WASF1: variants seen among roughly 807,000 people sequenced by gnomAD.
WASF1 encodes actin-binding protein WASF1.
WASF1 carries 7 observed loss-of-function variants against 50.5 expected under a neutral mutation model. The observed-to-expected ratio is 0.14, with a 90% confidence interval of 0.08 to 0.26. The LOEUF is 0.26. Among genes scored for constraint, WASF1 ranks in the 10% least tolerant of loss-of-function variants. The pLI, the probability that WASF1 is intolerant of heterozygous loss-of-function variation, is 1.00. For synonymous variants in WASF1, 205 were observed against 244.0 expected (o/e 0.84, Z 1.49); for missense variants, 470 against 694.7 (o/e 0.68, Z 3.64).
intron 4 of WASF1, among the ~76,000 whole-genome samples, chr6:110,120,421 G>A (rs910189110): frequency 2.0e-5 from 3 of 152,148 alleles, no homozygotes; most frequent in Non-Finnish European, 4.4e-5. Flanking sequence ...AATCATGAGT[G>A]AACTCCCATT....
At chr6:110,119,278 T>C (rs1267042081) in intron 4 of WASF1, among the ~76,000 whole-genome samples, 1 of 151,456 alleles carries the variant, frequency 6.6e-6, no homozygotes, top group East Asian at 1.9e-4. Flanking sequence ...ATCAACAAAA[T>C]AGATAGACCG....
At chr6:110,159,025 C>T (rs1160131630) in intron 3 of WASF1, among the ~76,000 whole-genome samples, 2 of 151,888 alleles carry the variant, frequency 1.3e-5, no homozygotes, top group Non-Finnish European at 2.9e-5. Context: ...TTTCAGTTTT[C>T]CATGCTTACA....
intron 2 of WASF1, among the ~76,000 whole-genome samples, chr6:110,162,930 G>A (rs984059771): frequency 6.6e-6 from 1 of 151,576 alleles, no homozygotes; most frequent in African/African-American, 2.4e-5. Context: ...TATGCTGATT[G>A]GGAAGGAGAA....
At chr6:110,121,019 C>T (rs1021703495) in intron 4 of WASF1, among the ~76,000 whole-genome samples, 6 of 152,060 alleles carry the variant, frequency 3.9e-5, no homozygotes, top group Admixed American at 1.3e-4. Flanking sequence ...TTCTTTACAC[C>T]GTATACAAAA....
intron 3 of WASF1, among the ~76,000 whole-genome samples, chr6:110,142,900 G>A (rs1207324435): frequency 6.5e-5 from 9 of 138,000 alleles, no homozygotes; most frequent in Non-Finnish European, 1.4e-4. Context: ...TGAATTTCCC[G>A]ACTATTATAT....
chr6:110,175,810 C>G (rs1404431831), intron 2 of WASF1, among the ~76,000 whole-genome samples: 1 of 152,166 alleles, frequency 6.6e-6, no homozygotes, highest in Non-Finnish European at 1.5e-5. Flanking sequence ...TCATGTCTAA[C>G]ACAAGAGTTA....
At chr6:110,171,455 A>G (rs989177562) in intron 2 of WASF1, among the ~76,000 whole-genome samples, 1 of 152,212 alleles carries the variant, frequency 6.6e-6, no homozygotes, top group African/African-American at 2.4e-5. Context: ...TTATGGCACC[A>G]AGTATATATA....
intron 2 of WASF1, among the ~76,000 whole-genome samples, chr6:110,161,837 A>G (rs930638670): frequency 1.3e-5 from 2 of 151,552 alleles, no homozygotes; most frequent in Non-Finnish European, 3.0e-5. Context: ...CCTGACCTCT[A>G]TGAAAGGACC....
intron 8 of WASF1, 62 bp from the exon 9 acceptor site, chr6:110,103,619 A>C: frequency 7.2e-7 from 1 of 1,387,748 alleles, no homozygotes; most frequent in African/African-American, 1.5e-5. Flanking sequence ...AGGGTTCTAC[A>C]TGAGATATTA....
At chr6:110,104,472 C>T (rs906855801) in intron 8 of WASF1, among the ~76,000 whole-genome samples, 2 of 151,998 alleles carry the variant, frequency 1.3e-5, no homozygotes, top group African/African-American at 4.8e-5. Context: ...AAAAGAAAAC[C>T]TTAAGCTCTT....
chr6:110,143,977 C>T (rs1459698920), intron 3 of WASF1, among the ~76,000 whole-genome samples: 4 of 152,122 alleles, frequency 2.6e-5, no homozygotes, highest in Non-Finnish European at 5.9e-5. Context: ...GGTATATACC[C>T]AGTAATGGGA....
intron 2 of WASF1, among the ~76,000 whole-genome samples, chr6:110,175,582 C>A (rs900718894): frequency 2.6e-5 from 4 of 152,134 alleles, no homozygotes; most frequent in Non-Finnish European, 5.9e-5. Context: ...TTATTTGTAG[C>A]TAAAACAGAT....
intron 2 of WASF1, among the ~76,000 whole-genome samples, chr6:110,175,083 G>A (rs1360083081): frequency 6.6e-6 from 1 of 151,990 alleles, no homozygotes; most frequent in African/African-American, 2.4e-5. Flanking sequence ...TAGCACCCCA[G>A]GTAAGGCTGC....
At position 110,105,400 on chromosome 6, in the gene WASF1, A is replaced by G. The variant is rs769898473; in HGVS notation, c.713+7T>C. On this transcript the variant is annotated splice_region_variant and intron_variant, in intron 8 of 10. Transcript: ENST00000392589. ...TCATTTAAAAAAAAAAACAAAAGTAAAGAAACCTTGTTTCAAAATGAGAGG... is the reference window on the plus strand; with the variant it reads ...TCATTTAAAAAAAAAAACAAAAGTAGAGAAACCTTGTTTCAAAATGAGAGG... 1 of 1,587,088 alleles carries G rather than the reference A, an allele frequency of 6.3e-7. No homozygotes were observed. Among genetic ancestry groups the G allele is most frequent in the East Asian group, 2.2e-5 (1 of 44,688 alleles).
At chr6:110,158,559 C>CATTAT (rs1776124153) in intron 3 of WASF1, among the ~76,000 whole-genome samples, 1 of 130,868 alleles carries the variant, frequency 7.6e-6, no homozygotes, top group African/African-American at 3.3e-5. Flanking sequence ...CATCTTGGCT[C>CATTAT]TTCCCCTAAA....
chr6:110,114,538 C>T (rs1227976359), intron 4 of WASF1, among the ~76,000 whole-genome samples: 1 of 152,076 alleles, frequency 6.6e-6, no homozygotes, highest in African/African-American at 2.4e-5. Context: ...GGGTGCATGG[C>T]TGTTACAAGA....
chr6:110,115,196 G>A (rs950116973), intron 4 of WASF1, among the ~76,000 whole-genome samples: 1 of 151,090 alleles, frequency 6.6e-6, no homozygotes, highest in Non-Finnish European at 1.5e-5. Context: ...GCAGATGAGA[G>A]TGTCCTATTC....
At chr6:110,128,790 C>T (rs531898633) in intron 3 of WASF1, among the ~76,000 whole-genome samples, 159 of 152,112 alleles carry the variant, frequency 1.0e-3, no homozygotes, top group Non-Finnish European at 1.1e-3. Context: ...AGGAGGTGGG[C>T]GGTAGGTGAG....
Position 110,113,449 on chromosome 6 carries a change from C to T in WASF1, c.145G>A (p.Glu49Lys). Residue 49 changes from glutamate to lysine, a missense_variant, in exon 5 of 11, where the codon GAA (glutamate) becomes AAA (lysine). Transcript: ENST00000392589. ...RQLSSLSKYAEDIFGELFNEA... is the reference protein window; with the variant it reads ...RQLSSLSKYAKDIFGELFNEA... ...TTGAATAATTCTCCAAATATATCTT[C>T]AGCATATTTACCTAAGCAAAAATGA... The T allele has an allele frequency of 6.3e-7, 1 of 1,596,346 alleles. No homozygotes were observed. Among genetic ancestry groups the T allele is most frequent in the Non-Finnish European group, 8.5e-7 (1 of 1,173,118 alleles).
Sources: allele counts gnomAD v4.1 joint callset (sites outside exome capture counted in the v4.1 genomes callset), GRCh38; gene constraint gnomAD v4.1.1; transcripts MANE v1.5; gene names NCBI Gene and HGNC (gene_info 2026-07-23, HGNC 2026-07-21).